The following RPE65 variants were observed in gnomAD, a reference collection of about 807,000 sequenced individuals.
RPE65 encodes retinoid isomerohydrolase RPE65.
A neutral mutation model predicts 68.5 loss-of-function variants in RPE65; 58 were observed. That is an observed-to-expected ratio of 0.85 (90% CI 0.69 to 1.05). The LOEUF is 1.05. Ranked by LOEUF, RPE65 falls within the 50% of genes least tolerant of loss-of-function variation. The probability of loss-of-function intolerance (pLI) is 0.00; values close to 1 mark genes in which losing one functional copy is unlikely to be tolerated. For synonymous variants in RPE65, 220 were observed against 222.2 expected (o/e 0.99, Z 0.09); for missense variants, 643 against 629.9 (o/e 1.02, Z -0.22).
chr1:68,436,385 C>A (rs1453864404), intron 10 of RPE65, among the ~76,000 whole-genome samples: 4 of 152,096 alleles, frequency 2.6e-5, no homozygotes, highest in African/African-American at 9.7e-5. Flanking sequence ...TGGGTACTTT[C>A]AAATTACATC....
At chr1:68,430,468 C>G (rs1165176874) in intron 13 of RPE65, among the ~76,000 whole-genome samples, 1 of 152,138 alleles carries the variant, frequency 6.6e-6, no homozygotes, top group Non-Finnish European at 1.5e-5. Flanking sequence ...TGAAATGGCT[C>G]CACAATTCTT....
At chr1:68,444,743 G>A (rs778562772) in intron 4 of RPE65, 33 bp downstream of exon 4, 2 of 1,613,786 alleles carry the variant, frequency 1.2e-6, no homozygotes, top group Non-Finnish European at 1.7e-6. Flanking sequence ...AATATAAAAT[G>A]TCTTGAGTAA....
chr1:68,448,762 G>A (rs945729182), intron 1 of RPE65, 56 bp from the exon 2 acceptor site: 1 of 1,437,652 alleles, frequency 7.0e-7, no homozygotes, highest in Non-Finnish European at 9.6e-7. Flanking sequence ...AGTCCGCAGA[G>A]ATAGAGGCAG....
At chr1:68,440,447 A>T (rs1199315257) in intron 6 of RPE65, among the ~76,000 whole-genome samples, 1 of 152,176 alleles carries the variant, frequency 6.6e-6, no homozygotes, top group African/African-American at 2.4e-5. Flanking sequence ...TAAGCGCAAC[A>T]TATTTAGTAC....
intron 1 of RPE65, among the ~76,000 whole-genome samples, chr1:68,449,326 A>G (rs1645965461): frequency 6.6e-6 from 1 of 152,108 alleles, no homozygotes. Flanking sequence ...TTTTCATCAT[A>G]GTCAGACCAG....
Position 68,441,227 on chromosome 1 carries a change from A to G in RPE65, c.496-227T>C, listed in dbSNP as rs780480519. Among the ~76,000 whole-genome samples the G allele has an allele frequency of 3.6e-4, 55 of 152,142 alleles. No homozygotes were observed. The Middle Eastern group carries it at 0.01, about 28-fold the overall frequency. On this transcript the variant is annotated intron_variant, in intron 5 of 13. Transcript: ENST00000262340. The stretch of plus-strand genomic sequence containing the variant: ...CTGGAGTTACCTGTGACATCTCTTT[A>G]TTTGATGTATACCATACAGTGCTCT...
chr1:68,440,100 G>T (rs1292521709), intron 6 of RPE65, among the ~76,000 whole-genome samples: 1 of 152,162 alleles, frequency 6.6e-6, no homozygotes, highest in Non-Finnish European at 1.5e-5. Context: ...ACTTTAGTGT[G>T]CATCAGAATC....
At chr1:68,445,012 AGGGT>A in intron 3 of RPE65, 129 bp from the exon 4 acceptor site, 1 of 814,046 alleles carries the variant, frequency 1.2e-6, no homozygotes, top group Non-Finnish European at 2.1e-6. Context: ...TGAAGAATAA[AGGGT>A]TTTATTAGCT....
At chr1:68,434,113 TATACAC>T (rs1413494428) in intron 10 of RPE65, among the ~76,000 whole-genome samples, 25 of 143,362 alleles carry the variant, frequency 1.7e-4, no homozygotes, top group South Asian at 6.7e-4. Context: ...TATATATATA[TATACAC>T]ACACACACAC....
chr1:68,439,534 A>G, intron 7 of RPE65, 27 bp downstream of exon 7: 1 of 1,609,416 alleles, frequency 6.2e-7, no homozygotes. Context: ...AGTTTTCCTG[A>G]AGATTCATAG....
At chr1:68,432,642 G>A (rs1046426592) in intron 10 of RPE65, among the ~76,000 whole-genome samples, 5 of 152,134 alleles carry the variant, frequency 3.3e-5, no homozygotes, top group Admixed American at 6.5e-5. Context: ...GGGAGGTCAC[G>A]AGCCAGGCTG....
At chr1:68,435,526 G>A (rs1359613113) in intron 10 of RPE65, among the ~76,000 whole-genome samples, 3 of 152,012 alleles carry the variant, frequency 2.0e-5, no homozygotes, top group Non-Finnish European at 4.4e-5. Flanking sequence ...TGGCCTTAAA[G>A]CCTTCTAAGA....
chr1:68,440,064 C>T (rs974878062), intron 6 of RPE65, among the ~76,000 whole-genome samples: 2 of 152,168 alleles, frequency 1.3e-5, no homozygotes, highest in Non-Finnish European at 2.9e-5. Flanking sequence ...TTAAAATTTA[C>T]TCACTAGTAA....
Position 68,445,599 on chromosome 1 carries a change from C to T in RPE65, c.246-716G>A, listed in dbSNP as rs112481917. 3.6e-3 allele frequency among the ~76,000 whole-genome samples: 541 copies of T among 152,084 alleles called. 1 individual carries two copies. Among genetic ancestry groups the T allele is most frequent in the Middle Eastern group, 3.4e-3 (1 of 292 alleles). On this transcript the variant is annotated intron_variant, in intron 3 of 13. Coordinates refer to ENST00000262340, the MANE Select transcript of RPE65 (RefSeq NM_000329.3). ...CGCAATCTTGGCTCACTGCAACCTCCGCCTCCTGGGTTCAAGCTATACTCT... is the reference window on the plus strand; with the variant it reads ...CGCAATCTTGGCTCACTGCAACCTCTGCCTCCTGGGTTCAAGCTATACTCT...
chr1:68,437,735 C>A (rs570241951), intron 10 of RPE65, among the ~76,000 whole-genome samples: 1 of 152,120 alleles, frequency 6.6e-6, no homozygotes, highest in South Asian at 2.1e-4. Flanking sequence ...GATTTTTAAC[C>A]TCTAGTGATA....
intron 10 of RPE65, among the ~76,000 whole-genome samples, chr1:68,434,571 AG>A (rs1571161380): frequency 6.6e-6 from 1 of 152,116 alleles, no homozygotes; most frequent in Non-Finnish European, 1.5e-5. Context: ...GGAAGAAGCG[AG>A]GGGTGTGCAC....
At position 68,428,996 on chromosome 1, in the gene RPE65, CATT is replaced by C. The variant is rs1645801140; in HGVS notation, c.*777_*779del. On this transcript the variant is annotated 3_prime_UTR_variant, in exon 14 of 14. Coordinates refer to ENST00000262340, the MANE Select transcript of RPE65 (RefSeq NM_000329.3). ...GATGCAATAAAGTATAATCCTGCAA[CATT>C]ATCCCATAATCTGATTTTAGTAAAT... is the stretch of plus-strand genomic sequence containing the variant. 6.6e-6 allele frequency: 1 copy of C among 152,076 alleles called. No individual in the cohort carries two copies. Among genetic ancestry groups the C allele is most frequent in the Admixed American group, 6.5e-5 (1 of 15,268 alleles). 9.4% of individuals were successfully genotyped at this position (152,076 alleles called of 1,614,324 possible).
rs749273171 is a variant in RPE65, at chr1:68,448,623, C to A, written c.94+1G>T. Reference sequence around the variant, plus strand: ...ATGGCTTCAAGATGGGCGAGACCAACCTGTTACATGAGCTGTGAGCGGCGA... The same window carrying A: ...ATGGCTTCAAGATGGGCGAGACCAAACTGTTACATGAGCTGTGAGCGGCGA... On this transcript the variant is annotated splice_donor_variant, in intron 2 of 13. Coordinates refer to ENST00000262340, the MANE Select transcript of RPE65 (RefSeq NM_000329.3). LOFTEE classifies it high-confidence loss of function. 1 of 1,613,836 alleles carries A rather than the reference C, an allele frequency of 6.2e-7. No individual in the cohort carries two copies. The highest frequency in any genetic ancestry group is 8.5e-7 in the Non-Finnish European group (1 of 1,179,930).
intron 10 of RPE65, among the ~76,000 whole-genome samples, chr1:68,436,136 T>A (rs939001377): frequency 1.3e-5 from 2 of 152,206 alleles, no homozygotes; most frequent in African/African-American, 4.8e-5. Context: ...CTCTTTTATT[T>A]CCTTAAAGAT....
Sources: gnomAD v4.1 joint callset for allele counts (sites outside exome capture counted in the v4.1 genomes callset) on GRCh38, gnomAD v4.1.1 for gene constraint, MANE v1.5 for transcripts, NCBI Gene and HGNC (gene_info 2026-07-23, HGNC 2026-07-21) for gene names.